Variants in UBR1 observed in about 807,000 individuals in gnomAD.
UBR1 encodes the protein E3 ubiquitin-protein ligase UBR1.
Under a neutral mutation model 242.1 loss-of-function variants are expected in UBR1, and 102 were observed. The ratio of observed to expected loss-of-function variants is 0.42; its 90% CI spans 0.36 to 0.50. The LOEUF (loss-of-function observed/expected upper bound fraction) is 0.50, where lower values mean the gene tolerates loss of function less well. Ranked by LOEUF, UBR1 falls within the 20% of genes least tolerant of loss-of-function variation. UBR1 has a pLI of 0.01. For missense variants in UBR1, 1,772 were observed against 2,101.8 expected, an observed-to-expected ratio of 0.84 and a Z score of 3.07; for synonymous variants, 675 against 684.8, an observed-to-expected ratio of 0.99 and a Z score of 0.22.
intron 27 of UBR1, among the ~76,000 whole-genome samples, chr15:43,018,181 T>C (rs1185216102): frequency 1.3e-5 from 2 of 152,050 alleles, no homozygotes; most frequent in African/African-American, 4.8e-5. Flanking sequence ...TTTTGTATTT[T>C]TAGTAGAGAC....
intron 1 of UBR1, among the ~76,000 whole-genome samples, chr15:43,088,018 A>C (rs573215521): frequency 6.6e-6 from 1 of 152,378 alleles, no homozygotes; most frequent in African/African-American, 2.4e-5. Flanking sequence ...GAAAGGATTC[A>C]AAATAAACTG....
At position 43,066,215 on chromosome 15, in the gene UBR1, G is replaced by A. The variant is rs576464648; in HGVS notation, c.798+1683C>T. 3.3e-5 allele frequency among the ~76,000 whole-genome samples: 5 copies of A among 152,170 alleles called. No homozygotes were observed. In the South Asian group the frequency reaches 8.3e-4, roughly 25 times the overall value. ...GCCAGTTATCCTAGCACCATTTATT[G>A]AATAGGGAATCCTTTCCCCATTGCT... On this transcript the variant is annotated intron_variant, in intron 6 of 46. Coordinates refer to ENST00000290650, the MANE Select transcript of UBR1 (RefSeq NM_174916.3).
At chr15:42,946,201 G>A (rs2031730640) in intron 46 of UBR1, among the ~76,000 whole-genome samples, 2 of 151,858 alleles carry the variant, frequency 1.3e-5, no homozygotes. Context: ...CACGGCTCAG[G>A]GCAACCTCTG....
chr15:42,992,194 T>A (rs2032566914), intron 33 of UBR1, among the ~76,000 whole-genome samples: 1 of 152,250 alleles, frequency 6.6e-6, no homozygotes, highest in Non-Finnish European at 1.5e-5. Flanking sequence ...AGTGTTTACC[T>A]TCACCTTATG....
Position 42,950,320 on chromosome 15 carries a change from C to G in UBR1, c.5050G>C (p.Gly1684Arg). 1 of 1,614,150 alleles carries G rather than the reference C, an allele frequency of 6.2e-7. No homozygotes were observed. The highest frequency in any genetic ancestry group is 1.1e-5 in the South Asian group (1 of 91,090). ...AAGTAAGGAGCTGGATAGGCACAGC[C>G]TCTGGCTTTACCTTCAACCAGGACC... The part of the protein sequence containing the change: ...RVVLVEGKAR[G>R]CAYPAPYLDE... The change falls in exon 46 of 47, where the codon GGC becomes CGC. Residue 1684 changes from glycine (G) to arginine (R), a missense_variant. This residue lies in a region of UBR1 where 965 missense variants were observed against 1,079.7 expected (regional missense o/e 0.89). Coordinates refer to ENST00000290650, the MANE Select transcript of UBR1 (RefSeq NM_174916.3).
intron 5 of UBR1, 54 bp from the exon 6 acceptor site, chr15:43,068,090 A>AAAAAAAAAAAAAAAAAAAAAAAAAAAT: frequency 6.6e-6 from 1 of 150,590 alleles, no homozygotes; most frequent in Non-Finnish European, 1.1e-5. Context: ...AAGGAAAAGT[A>AAAAAAAAAAAAAAAAAAAAAAAAAAAT]AAAAAAAAAA....
chr15:43,037,349 C>CA (rs1282652005), intron 17 of UBR1, among the ~76,000 whole-genome samples: 1,838 of 67,514 alleles, frequency 0.027, 21 homozygotes, highest in African/African-American at 0.067. Context: ...GACTCTGTCT[C>CA]AAAAAAAAAA....
intron 43 of UBR1, 31 bp from the exon 44 acceptor site, chr15:42,958,121 TTA>T: frequency 6.5e-7 from 1 of 1,535,406 alleles, no homozygotes; most frequent in Non-Finnish European, 9.0e-7. Flanking sequence ...CAATTTTATT[TTA>T]GAGTAAATAA....
intron 5 of UBR1, among the ~76,000 whole-genome samples, chr15:43,068,637 T>C (rs2033785264): frequency 6.6e-6 from 1 of 151,972 alleles, no homozygotes; most frequent in South Asian, 2.1e-4. Flanking sequence ...TTTGTTTTGT[T>C]TTAGATGGAA....
At chr15:43,015,349 C>A (rs982099178) in intron 29 of UBR1, among the ~76,000 whole-genome samples, 17 of 152,126 alleles carry the variant, frequency 1.1e-4, no homozygotes, top group Admixed American at 5.2e-4. Context: ...TTACCCCCAA[C>A]CCTGTGCTCT....
rs531309478 is a variant in UBR1 at position 42,988,280 on chromosome 15, T to A, written c.3997+539A>T. Reference sequence around the variant, plus strand: ...TACTAAAGGAATATATGTGTGTGTGTGTGTGTGTGTGTGAACACACACACA... The same window carrying A: ...TACTAAAGGAATATATGTGTGTGTGAGTGTGTGTGTGTGAACACACACACA... On this transcript the variant is annotated intron_variant, in intron 35 of 46. Transcript: ENST00000290650. Among the ~76,000 whole-genome samples the A allele has an allele frequency of 6.6e-5, 10 of 151,936 alleles. No individual in the cohort carries two copies. In the East Asian group the frequency reaches 1.9e-3, roughly 29 times the overall value.
At chr15:43,040,828 G>A (rs2033408541) in intron 15 of UBR1, among the ~76,000 whole-genome samples, 1 of 152,156 alleles carries the variant, frequency 6.6e-6, no homozygotes, top group Non-Finnish European at 1.5e-5. Context: ...GCAGCCAACA[G>A]ACACATGAAA....
chr15:43,050,517 C>A (rs1394681777), intron 12 of UBR1, among the ~76,000 whole-genome samples: 1 of 152,124 alleles, frequency 6.6e-6, no homozygotes, highest in Non-Finnish European at 1.5e-5. Context: ...CAAGACCACC[C>A]TGGGCAACAC....
chr15:43,001,813 T>C (rs2141284880), intron 32 of UBR1, among the ~76,000 whole-genome samples: 1 of 152,294 alleles, frequency 6.6e-6, no homozygotes. Flanking sequence ...ATTTTTTTAG[T>C]TAACATTTGT....
intron 10 of UBR1, among the ~76,000 whole-genome samples, chr15:43,056,859 C>T (rs2033625606): frequency 6.6e-6 from 1 of 152,090 alleles, no homozygotes; most frequent in African/African-American, 2.4e-5. Flanking sequence ...CCAGAAAAAC[C>T]AACCAATCAG....
chr15:42,945,509 T>C (rs1357821221), intron 46 of UBR1, 39 bp from the exon 47 acceptor site: 1 of 1,610,650 alleles, frequency 6.2e-7, no homozygotes, highest in South Asian at 1.1e-5. Context: ...TAAGTTTGAA[T>C]CTAGTAACTG....
intron 27 of UBR1, among the ~76,000 whole-genome samples, chr15:43,020,527 T>A (rs1411431680): frequency 6.6e-6 from 1 of 152,258 alleles, no homozygotes; most frequent in Non-Finnish European, 1.5e-5. Context: ...TCCTTACTTG[T>A]ATGCCTATCC....
At chr15:43,067,709 G>C (rs1207802718) in intron 6 of UBR1, among the ~76,000 whole-genome samples, 189 bp downstream of exon 6, 1 of 152,122 alleles carries the variant, frequency 6.6e-6, no homozygotes, top group East Asian at 1.9e-4. Flanking sequence ...AAAGATGAAA[G>C]TTATAAATAG....
intron 14 of UBR1, among the ~76,000 whole-genome samples, chr15:43,044,159 C>T (rs2033454789): frequency 6.6e-6 from 1 of 152,194 alleles, no homozygotes; most frequent in Non-Finnish European, 1.5e-5. Flanking sequence ...ATGAAATTAA[C>T]AAGCATTTGA....
Sources: gnomAD v4.1 joint callset for allele counts (sites outside exome capture counted in the v4.1 genomes callset) on GRCh38, gnomAD v4.1.1 for gene constraint, gnomAD v4.1.1 regional missense constraint, MANE v1.5 for transcripts, NCBI Gene and HGNC (gene_info 2026-07-23, HGNC 2026-07-21) for gene names.